The following DNAJC15 variants were observed in gnomAD, a reference collection of about 807,000 sequenced individuals.
DNAJC15 encodes DnaJ heat shock protein family (Hsp40) member C15.
DNAJC15 carries 27 observed loss-of-function variants against 22.4 expected under a neutral mutation model. The ratio of observed to expected loss-of-function variants is 1.20; its 90% CI spans 0.89 to 1.66. The LOEUF is 1.66. Among genes scored for constraint, DNAJC15 ranks in the 40% most tolerant of loss-of-function variants. The pLI, the probability that DNAJC15 is intolerant of heterozygous loss-of-function variation, is 0.00. For synonymous variants in DNAJC15, 79 were observed against 63.2 expected, an observed-to-expected ratio of 1.25 and a Z score of -1.19; for missense variants, 208 against 187.1, an observed-to-expected ratio of 1.11 and a Z score of -0.65.
intron 5 of DNAJC15, among the ~76,000 whole-genome samples, chr13:43,094,384 T>C (rs1055800457): frequency 1.3e-5 from 2 of 152,218 alleles, no homozygotes; most frequent in African/African-American, 2.4e-5. Context: ...CTAGACCTAC[T>C]TAATCAGAAA....
rs200245966 is a variant in DNAJC15, at chr13:43,052,946, TG to T, written c.109-12739del. Among the ~76,000 whole-genome samples, 574 of 152,336 alleles carry T rather than the reference TG, an allele frequency of 3.8e-3. 10 individuals carry two copies. The highest frequency in any genetic ancestry group is 0.036 in the Admixed American group (546 of 15,300). On this transcript the variant is annotated intron_variant, in intron 1 of 5. Coordinates refer to ENST00000379221, the MANE Select transcript of DNAJC15 (RefSeq NM_013238.3). ...TTTGTTGCATTTGCTTTTGGCTTTT[TG>T]ATCATTCAGGAGCAGGTTATTTAAT...
chr13:43,093,664 C>T (rs968151170), intron 5 of DNAJC15, among the ~76,000 whole-genome samples: 1 of 152,224 alleles, frequency 6.6e-6, no homozygotes, highest in East Asian at 1.9e-4. Flanking sequence ...GTCCTGCCAC[C>T]TTGGCCTCTC....
intron 1 of DNAJC15, among the ~76,000 whole-genome samples, chr13:43,037,784 T>A (rs2040435480): frequency 6.6e-6 from 1 of 152,240 alleles, no homozygotes; most frequent in Admixed American, 6.5e-5. Context: ...GCAGTCATCA[T>A]CCTCATTTTA....
intron 5 of DNAJC15, among the ~76,000 whole-genome samples, chr13:43,090,062 A>G (rs1224841143): frequency 6.6e-6 from 1 of 152,252 alleles, no homozygotes; most frequent in Non-Finnish European, 1.5e-5. Context: ...ACCTGTTAAA[A>G]GAAAAACTTC....
At chr13:43,025,927 A>T (rs971970598) in intron 1 of DNAJC15, among the ~76,000 whole-genome samples, 15 of 152,234 alleles carry the variant, frequency 9.9e-5, no homozygotes, top group Admixed American at 9.8e-4. Flanking sequence ...TAACATGTTA[A>T]CATGTCTACA....
chr13:43,030,617 C>T lies in DNAJC15; in HGVS notation c.108+6883C>T, dbSNP rs140996117. ...CCATTTAACACTTTATTTATGGAGTCGTACATTATTAGGTAAGGTTCTGAG... is the reference window on the plus strand; with the variant it reads ...CCATTTAACACTTTATTTATGGAGTTGTACATTATTAGGTAAGGTTCTGAG... On this transcript the variant is annotated intron_variant, in intron 1 of 5. Coordinates refer to ENST00000379221, the MANE Select transcript of DNAJC15 (RefSeq NM_013238.3). 5.5e-3 allele frequency among the ~76,000 whole-genome samples: 839 copies of T among 152,186 alleles called. 3 individuals carry two copies. Among genetic ancestry groups the T allele is most frequent in the Non-Finnish European group, 8.9e-3 (607 of 68,008 alleles).
intron 1 of DNAJC15, among the ~76,000 whole-genome samples, chr13:43,036,309 G>T (rs2040428749): frequency 6.6e-6 from 1 of 151,930 alleles, no homozygotes; most frequent in Non-Finnish European, 1.5e-5. Flanking sequence ...GGGACTACGG[G>T]TCGCACCACC....
At chr13:43,102,007 T>C (rs2040771562) in intron 5 of DNAJC15, among the ~76,000 whole-genome samples, 2 of 152,220 alleles carry the variant, frequency 1.3e-5, no homozygotes, top group Non-Finnish European at 2.9e-5. Flanking sequence ...ATCTACATAC[T>C]ATTTTCCGTA....
At chr13:43,040,230 A>G (rs1459037744) in intron 1 of DNAJC15, among the ~76,000 whole-genome samples, 1 of 152,206 alleles carries the variant, frequency 6.6e-6, no homozygotes, top group Non-Finnish European at 1.5e-5. Flanking sequence ...CCAGCCATCA[A>G]GACCCACAAA....
At chr13:43,056,222 G>T (rs1011772897) in intron 1 of DNAJC15, among the ~76,000 whole-genome samples, 1 of 151,330 alleles carries the variant, frequency 6.6e-6, no homozygotes, top group Non-Finnish European at 1.5e-5. Flanking sequence ...TGCAATCTCA[G>T]CTCACTGCAA....
intron 3 of DNAJC15, among the ~76,000 whole-genome samples, chr13:43,073,198 A>G (rs918931932): frequency 1.3e-5 from 2 of 152,218 alleles, no homozygotes; most frequent in African/African-American, 4.8e-5. Flanking sequence ...TCAACAGCTT[A>G]ATTGAATGAC....
intron 5 of DNAJC15, among the ~76,000 whole-genome samples, chr13:43,087,149 A>G (rs550850886): frequency 9.2e-5 from 14 of 152,370 alleles, no homozygotes; most frequent in African/African-American, 3.4e-4. Context: ...TGTTCAGATC[A>G]GATTTTTAAC....
chr13:43,091,244 C>G (rs1046676959), intron 5 of DNAJC15, among the ~76,000 whole-genome samples: 1 of 152,112 alleles, frequency 6.6e-6, no homozygotes, highest in Non-Finnish European at 1.5e-5. Flanking sequence ...GCCACCACGC[C>G]TGGCTAATTT....
rs1212860941 is a variant in DNAJC15, at chr13:43,109,425, C to T, written c.*2177C>T. 2 of 152,124 alleles carry T rather than the reference C, an allele frequency of 1.3e-5. No individual in the cohort carries two copies. Among genetic ancestry groups the T allele is most frequent in the African/African-American group, 4.8e-5 (2 of 41,430 alleles). The allele number at this position is 152,124 out of a possible 1,614,324, so 9.4% of individuals were successfully genotyped here. A position where few individuals can be genotyped will look rare whatever the true frequency, so the allele number is the denominator to read the frequency against. On this transcript the variant is annotated 3_prime_UTR_variant, in exon 6 of 6. Transcript: ENST00000379221. Reference sequence around the variant, plus strand: ...GAATACTATGCATCAAAAAATGTTACCACTAATTTTTAAAGCTCTGCTAAG... The same window carrying T: ...GAATACTATGCATCAAAAAATGTTATCACTAATTTTTAAAGCTCTGCTAAG...
In DNAJC15 at chr13:43,078,663, GA is replaced by G; in HGVS notation, c.288del (p.Ala97LeufsTer5). 6.2e-7 allele frequency: 1 copy of G among 1,613,644 alleles called. No homozygotes were observed. ...GGFEQKMSRR[E>X]AGLILGVSPS... is the part of the protein sequence containing the mutation. ...ATTTGAACAGAAAATGAGTAGGCGA[GA>G]AGCTGGTCTTATTTTAGGTGTAAGG... On this transcript the variant is annotated frameshift_variant, in exon 4 of 6. Transcript: ENST00000379221. LOFTEE classifies it high-confidence loss of function.
rs143897897 is a variant in DNAJC15, at chr13:43,080,939, ATG to A, written c.311+2254_311+2255del. ...TTGATTATGACAAGATAATTTTAAGATGTGAGTATATTCATTGAATCTCAGCT... is the reference window on the plus strand; with the variant it reads ...TTGATTATGACAAGATAATTTTAAGATGAGTATATTCATTGAATCTCAGCT... On this transcript the variant is annotated intron_variant, in intron 4 of 5. Transcript: ENST00000379221. 7.6e-3 allele frequency among the ~76,000 whole-genome samples: 1,159 copies of A among 152,340 alleles called. 14 individuals are homozygous for A. Among genetic ancestry groups the A allele is most frequent in the Non-Finnish European group, 0.012 (828 of 68,032 alleles).
chr13:43,082,580 A>G (rs1566213009), intron 4 of DNAJC15, among the ~76,000 whole-genome samples: 1 of 152,154 alleles, frequency 6.6e-6, no homozygotes, highest in Non-Finnish European at 1.5e-5. Context: ...TGAATGCCAT[A>G]CTTGTGCATA....
chr13:43,103,971 T>C (rs563333545), intron 5 of DNAJC15, among the ~76,000 whole-genome samples: 86 of 152,344 alleles, frequency 5.6e-4, no homozygotes, highest in African/African-American at 1.9e-3. Flanking sequence ...TTTGATAGTG[T>C]ATATTTTTTT....
chr13:43,105,915 A>T (rs994756360), intron 5 of DNAJC15, among the ~76,000 whole-genome samples: 3 of 152,214 alleles, frequency 2.0e-5, no homozygotes, highest in African/African-American at 7.2e-5. Flanking sequence ...CTCTTATAGC[A>T]TATTCAGGGA....
Sources: allele counts gnomAD v4.1 joint callset (sites outside exome capture counted in the v4.1 genomes callset), GRCh38; gene constraint gnomAD v4.1.1; transcripts MANE v1.5; gene names NCBI Gene and HGNC (gene_info 2026-07-23, HGNC 2026-07-21).